The following FLNA variants were observed in gnomAD, a reference collection of about 807,000 sequenced individuals.
The protein encoded by FLNA is filamin A, also known as filamin-A.
Under a neutral mutation model 157.6 loss-of-function variants are expected in FLNA, and 7 were observed. The ratio of observed to expected loss-of-function variants is 0.04; its 90% CI spans 0.03 to 0.08. FLNA has a LOEUF of 0.08. Ranked by LOEUF, FLNA falls within the 10% of genes least tolerant of loss-of-function variation. The pLI, the probability that FLNA is intolerant of heterozygous loss-of-function variation, is 1.00. For synonymous variants in FLNA, 1,103 were observed against 1,060.8 expected (o/e 1.04, Z -0.77); for missense variants, 1,750 against 2,398.4 (o/e 0.73, Z 5.65).
intron 44 of FLNA, 29 bp from the exon 45 acceptor site, chrX:154,350,236 C>CT: frequency 8.4e-7 from 1 of 1,186,886 alleles, no homozygotes; most frequent in Non-Finnish European, 1.1e-6. Flanking sequence ...TGCTGTGGGC[C>CT]TGGGGCCCCT....
At chrX:154,366,524 C>T (rs2067762592) in intron 7 of FLNA, 38 bp downstream of exon 7, 1 of 1,208,398 alleles carries the variant, frequency 8.3e-7, no homozygotes, top group African/African-American at 1.7e-5. Context: ...CCAGCCACTG[C>T]CTGAGGTCAC....
At position 154,353,453 on chromosome X, in the gene FLNA, G is replaced by A. The variant is rs782069439; in HGVS notation, c.5865C>T (p.Asp1955=). 44 of 1,210,147 alleles carry A rather than the reference G, an allele frequency of 3.6e-5. No homozygotes were observed. In the Admixed American group the frequency reaches 6.5e-4, roughly 18 times the overall value. Reference sequence around the variant, plus strand: ...TTAGGTGGGACATACGCATGGAGTCGTCACCTGGTGGGGACAGGCCAGCCA... The same window carrying A: ...TTAGGTGGGACATACGCATGGAGTCATCACCTGGTGGGGACAGGCCAGCCA... The part of the protein sequence containing the change: ...GSPFTARVTG[D]DSMRMSHLKV... Residue 1955 remains aspartate (D), a synonymous_variant, in exon 37 of 48, where the codon GAC becomes GAT. Coordinates refer to ENST00000369850, the MANE Select transcript of FLNA (RefSeq NM_001110556.2).
intron 21 of FLNA, among the ~76,000 whole-genome samples, chrX:154,361,046 C>CAAAAAAAAAAAAAACAAA (rs2067702838): frequency 5.0e-5 from 1 of 19,981 alleles, no homozygotes; most frequent in Non-Finnish European, 8.2e-5. Context: ...GACTCTTTCT[C>CAAAAAAAAAAAAAACAAA]AAAAAAAAAA....
Position 154,367,912 on chromosome X carries a change from G to A in FLNA, c.552C>T (p.Pro184=). The change falls in exon 3 of 48, where the codon CCC becomes CCT. Residue 184 remains proline (P), a synonymous_variant. Coordinates refer to ENST00000369850, the MANE Select transcript of FLNA (RefSeq NM_001110556.2). ...GCCAGTCCCGGCTGAAGTTGGTGATGGGCAGCTGCGGCAGCTTGTTCTGGA... is the reference window on the plus strand; with the variant it reads ...GCCAGTCCCGGCTGAAGTTGGTGATAGGCAGCTGCGGCAGCTTGTTCTGGA... ...GWIQNKLPQL[P]ITNFSRDWQS... The A allele has an allele frequency of 8.3e-7, 1 of 1,211,271 alleles. No individual in the cohort carries two copies. Among genetic ancestry groups the A allele is most frequent in the Non-Finnish European group, 1.1e-6 (1 of 895,418 alleles).
In FLNA at chrX:154,365,415, C is replaced by T; in HGVS notation, c.1501G>A (p.Ala501Thr). The T allele has an allele frequency of 2.5e-6, 3 of 1,211,766 alleles. No homozygotes were observed. The highest frequency in any genetic ancestry group is 1.8e-5 in the South Asian group (1 of 57,057). The change falls in exon 10 of 48, where the codon GCT (alanine) becomes ACT (threonine). Residue 501 changes from alanine (A) to threonine (T), a missense_variant. Physicochemically the swap from Ala to Thr is moderately conservative, Grantham distance 58. Around this residue, in one of 5 missense-constraint regions of FLNA, gnomAD observed 648 missense variants for 805.8 expected, o/e 0.80. Coordinates refer to ENST00000369850, the MANE Select transcript of FLNA (RefSeq NM_001110556.2). ...CCCTTTGTGTACACCTTGAAGTCAG[C>T]TGTCTCCTTCACCCGCACACCCTTG... ...QPKGVRVKET[A>T]DFKVYTKGAG...
Position 154,364,888 on chromosome X carries a change from C to T in FLNA, c.1761G>A (p.Glu587=), listed in dbSNP as rs377261686. 4.9e-5 allele frequency: 59 copies of T among 1,210,228 alleles called. No homozygotes were observed. The African/African-American group carries it at 9.2e-4, about 19-fold the overall frequency. The change falls in exon 12 of 48, where the codon GAG becomes GAA. Residue 587 remains glutamate (E), a synonymous_variant. Coordinates refer to ENST00000369850, the MANE Select transcript of FLNA (RefSeq NM_001110556.2). ...CTGCTGACTTGCCAACGACGCCGCC[C>T]TCCAGCCCAGGGCCCCAGGCCCGTA... ...QKVRAWGPGL[E]GGVVGKSADF...
intron 5 of FLNA, among the ~76,000 whole-genome samples, 191 bp from the exon 6 acceptor site, chrX:154,367,041 C>A: frequency 8.9e-6 from 1 of 112,066 alleles, no homozygotes; most frequent in Non-Finnish European, 1.9e-5. Context: ...ACAGGCCCAG[C>A]CTGTTTTCTG....
At chrX:154,363,950 C>A (rs1302857937) in intron 15 of FLNA, 72 bp downstream of exon 15, 1 of 1,124,638 alleles carries the variant, frequency 8.9e-7, no homozygotes, top group Admixed American at 2.2e-5. Flanking sequence ...GCCACAACCA[C>A]TTGAAATGGA....
intron 2 of FLNA, among the ~76,000 whole-genome samples, chrX:154,369,448 G>A (rs1463836392): frequency 1.8e-5 from 2 of 112,506 alleles, no homozygotes; most frequent in Non-Finnish European, 3.8e-5. Flanking sequence ...CCAAAAGAGA[G>A]AGGGAAGGAC....
chrX:154,368,668 T>C (rs1372775579), intron 2 of FLNA, among the ~76,000 whole-genome samples: 1 of 112,336 alleles, frequency 8.9e-6, no homozygotes, highest in East Asian at 2.8e-4. Flanking sequence ...GGGTGAGGGA[T>C]TGTGACCCCC....
At chrX:154,361,242 G>A (rs1236157866) in intron 21 of FLNA, 66 bp downstream of exon 21, 2 of 1,106,564 alleles carry the variant, frequency 1.8e-6, no homozygotes, top group Admixed American at 4.4e-5. Flanking sequence ...GAGAAGATGG[G>A]GTACCTTTGG....
intron 1 of FLNA, among the ~76,000 whole-genome samples, chrX:154,371,886 G>A (rs2067811292): frequency 8.8e-6 from 1 of 113,580 alleles, no homozygotes. Flanking sequence ...CCCTAAGAGC[G>A]AACCCCTGGA....
chrX:154,366,109 G>A lies in FLNA; in HGVS notation c.1344C>T (p.Pro448=). The change falls in exon 9 of 48, where the codon CCC becomes CCT. Residue 448 remains proline (P), a synonymous_variant. Coordinates refer to ENST00000369850, the MANE Select transcript of FLNA (RefSeq NM_001110556.2). ...GCACGGTGTGGACGCCCTCCATGGT[G>A]GGCTGGTAGCTGCAGCGGTATGTGC... ...GDSTYRCSYQ[P]TMEGVHTVHV... The A allele has an allele frequency of 8.3e-7, 1 of 1,210,635 alleles. No homozygotes were observed. Among genetic ancestry groups the A allele is most frequent in the Non-Finnish European group, 1.1e-6 (1 of 895,313 alleles).
At chrX:154,373,309 A>G (rs1281480677) in intron 1 of FLNA, among the ~76,000 whole-genome samples, 1 of 112,384 alleles carries the variant, frequency 8.9e-6, no homozygotes, top group Non-Finnish European at 1.9e-5. Flanking sequence ...GAGCTCAGGG[A>G]AACTGAGTCA....
chrX:154,356,958 A>G (rs893109411), intron 30 of FLNA, among the ~76,000 whole-genome samples: 1 of 112,012 alleles, frequency 8.9e-6, no homozygotes, highest in African/African-American at 3.2e-5. Flanking sequence ...CAAAGTCCCC[A>G]GTGGGGTGCC....
rs1234105097 is a variant in FLNA at position 154,350,940 on chromosome X, C to G, written c.7125G>C (p.Leu2375=). The G allele has an allele frequency of 3.3e-6, 4 of 1,209,775 alleles. No homozygotes were observed. Among genetic ancestry groups the G allele is most frequent in the Non-Finnish European group, 4.5e-6 (4 of 894,526 alleles). The part of the protein sequence containing the change: ...DAKVHSPSGA[L]EECYVTEIDQ... ...CAATTTCTGTGACATAGCACTCCTC[C>G]AGGGCTCCTGAGGGGCTGTGCACCT... is the stretch of plus-strand genomic sequence containing the variant. Residue 2375 remains leucine, a synonymous_variant, in exon 44 of 48, where the codon CTG becomes CTC. Transcript: ENST00000369850.
chrX:154,363,450 C>T (rs782565733), intron 15 of FLNA, among the ~76,000 whole-genome samples: 5 of 108,504 alleles, frequency 4.6e-5, no homozygotes, highest in Non-Finnish European at 9.5e-5. Flanking sequence ...CGCGGTGGCT[C>T]ATGCCTGTCA....
rs782161635 is a variant in FLNA at position 154,358,876 on chromosome X, C to T, written c.4474+108G>A. ...TCTTCCAAAAACACCTACACACTTG[C>T]ACCACCTCTGCACTCTGGTCCTCAC... On this transcript the variant is annotated intron_variant, in intron 26 of 47. Transcript: ENST00000369850. 3.2e-6 allele frequency: 3 copies of T among 932,492 alleles called. No individual in the cohort carries two copies. The Admixed American group carries it at 6.6e-5, about 21-fold the overall frequency. The allele number at this position is 932,492 out of a possible 1,213,427, so 76.8% of individuals were successfully genotyped here. A position where few individuals can be genotyped will look rare whatever the true frequency, so the allele number is the denominator to read the frequency against.
rs782069230 is a variant in FLNA at position 154,353,010 on chromosome X, G to A, written c.6217C>T (p.Arg2073Cys). ...FEPAEFIIDT[R>C]DAGYGGLSLS... ...GGCAGCCACTGCCTACCTGCATCGC[G>A]GGTATCAATGATAAACTCTGCAGGC... Residue 2073 changes from arginine (R) to cysteine (C), a missense_variant, in exon 38 of 48, where the codon CGC becomes TGC. This residue lies in a region of FLNA where 970 missense variants were observed against 1,302.6 expected (regional missense o/e 0.74). Transcript: ENST00000369850. The A allele has an allele frequency of 2.4e-5, 29 of 1,209,245 alleles. 1 individual carries two copies. In the Admixed American group the frequency reaches 5.7e-4, roughly 24 times the overall value.
Sources: gnomAD v4.1 joint callset for allele counts (sites outside exome capture counted in the v4.1 genomes callset) on GRCh38, gnomAD v4.1.1 for gene constraint, gnomAD v4.1.1 regional missense constraint, MANE v1.5 for transcripts, NCBI Gene and HGNC (gene_info 2026-07-23, HGNC 2026-07-21) for gene names.